PRKN: variants seen among roughly 807,000 people sequenced by gnomAD.
PRKN encodes parkin RBR E3 ubiquitin protein ligase.
In PRKN, 56 loss-of-function variants were observed where a neutral mutation model predicts 59.5. The observed-to-expected ratio is 0.94, with a 90% confidence interval of 0.76 to 1.18. PRKN has a LOEUF of 1.18. PRKN is among the 50% of genes most tolerant of loss of function. The probability of loss-of-function intolerance (pLI) is 0.00; values close to 1 mark genes in which losing one functional copy is unlikely to be tolerated. For missense variants in PRKN, 657 were observed against 596.4 expected, an observed-to-expected ratio of 1.10 and a Z score of -1.06; for synonymous variants, 250 against 222.1, an observed-to-expected ratio of 1.13 and a Z score of -1.12.
intron 2 of PRKN, among the ~76,000 whole-genome samples, chr6:162,282,154 G>A (rs1298758951): frequency 6.6e-6 from 1 of 152,180 alleles, no homozygotes; most frequent in East Asian, 1.9e-4. Flanking sequence ...CTGGTATAGA[G>A]CAACGCATGG....
chr6:161,787,896 C>T (rs960415555), intron 6 of PRKN, among the ~76,000 whole-genome samples: 1 of 152,202 alleles, frequency 6.6e-6, no homozygotes. Context: ...GCCGAGATCG[C>T]ACCACTGCAC....
intron 7 of PRKN, among the ~76,000 whole-genome samples, chr6:161,739,908 C>T (rs1437452218): frequency 1.1e-4 from 16 of 152,110 alleles, no homozygotes; most frequent in Non-Finnish European, 1.5e-5. Flanking sequence ...GTGCACACCA[C>T]CACGCCCAGC....
intron 1 of PRKN, among the ~76,000 whole-genome samples, chr6:162,692,035 T>C (rs1383583041): frequency 6.6e-6 from 1 of 152,174 alleles, no homozygotes; most frequent in African/African-American, 2.4e-5. Context: ...TTAGTTTAAT[T>C]AGATCCCATT....
chr6:162,345,138 GGAATAACTCC>G (rs1401710311), intron 2 of PRKN, among the ~76,000 whole-genome samples: 8 of 152,142 alleles, frequency 5.3e-5, no homozygotes, highest in African/African-American at 1.9e-4. Context: ...GACCACGCCT[GGAATAACTCC>G]GAATACAACA....
chr6:162,299,171 A>C (rs1299689666), intron 2 of PRKN, among the ~76,000 whole-genome samples: 1 of 152,218 alleles, frequency 6.6e-6, no homozygotes, highest in Non-Finnish European at 1.5e-5. Context: ...GCGAAGACGC[A>C]TCAGGCATCT....
chr6:162,490,588 A>ATCTT (rs1306186984), intron 1 of PRKN, among the ~76,000 whole-genome samples: 10 of 152,316 alleles, frequency 6.6e-5, no homozygotes, highest in African/African-American at 2.2e-4. Context: ...TTTCTTTAAG[A>ATCTT]AAACAAAACG....
Position 161,518,821 on chromosome 6 carries a change from A to G in PRKN, c.1083+30033T>C, listed in dbSNP as rs2115352981. On this transcript the variant is annotated intron_variant, in intron 9 of 11. Coordinates refer to ENST00000366898, the MANE Select transcript of PRKN (RefSeq NM_004562.3). This position sits in a 1 kb window ranked among gnomAD's most constrained non-coding sequence, Gnocchi z 5.0. ...CTTGCACAGAAGAGTCACCTGGTGA[A>G]CACTGACTGAATTGAGTCAAATAGA... is the stretch of plus-strand genomic sequence containing the variant. 6.6e-6 allele frequency among the ~76,000 whole-genome samples: 1 copy of G among 152,262 alleles called. No individual in the cohort carries two copies. Among genetic ancestry groups the G allele is most frequent in the Non-Finnish European group, 1.5e-5 (1 of 68,026 alleles).
intron 1 of PRKN, among the ~76,000 whole-genome samples, chr6:162,639,460 G>T (rs1428953918): frequency 1.3e-5 from 2 of 152,150 alleles, no homozygotes; most frequent in Non-Finnish European, 2.9e-5. Flanking sequence ...TAATTTTATG[G>T]TAAGATCACC....
Position 162,687,224 on chromosome 6 carries a change from C to T in PRKN, c.7+40438G>A, listed in dbSNP as rs113638782. Among the ~76,000 whole-genome samples the T allele has an allele frequency of 1.0e-2, 1,423 of 142,510 alleles. 24 individuals are homozygous for T. The highest frequency in any genetic ancestry group is 0.035 in the African/African-American group (1,307 of 37,782). The allele number at this position is 142,510 out of a possible 152,430, so 93.5% of individuals were successfully genotyped here. A position where few individuals can be genotyped will look rare whatever the true frequency, so the allele number is the denominator to read the frequency against. The stretch of plus-strand genomic sequence containing the variant: ...TTTTTGAGACAGAGTTTCACTCTGT[C>T]GTCCAGGCTAGAGTGCAGAGGCACG... On this transcript the variant is annotated intron_variant, in intron 1 of 11. Coordinates refer to ENST00000366898, the MANE Select transcript of PRKN (RefSeq NM_004562.3).
chr6:162,117,377 G>A (rs1479218355), intron 4 of PRKN, among the ~76,000 whole-genome samples: 1 of 152,224 alleles, frequency 6.6e-6, no homozygotes, highest in East Asian at 1.9e-4. Context: ...TAAGCCTAGG[G>A]GAGGCTTAAT....
At chr6:162,408,098 C>G (rs1384671638) in intron 2 of PRKN, among the ~76,000 whole-genome samples, 1 of 152,066 alleles carries the variant, frequency 6.6e-6, no homozygotes, top group Non-Finnish European at 1.5e-5. Context: ...AATTCCTACT[C>G]TCATATCTTC....
intron 1 of PRKN, among the ~76,000 whole-genome samples, chr6:162,583,472 T>C (rs748770721): frequency 6.6e-6 from 1 of 152,200 alleles, no homozygotes; most frequent in Non-Finnish European, 1.5e-5. Context: ...GTGAATATAA[T>C]AGTCTCATAT....
At chr6:162,084,504 G>T (rs567372499) in intron 4 of PRKN, among the ~76,000 whole-genome samples, 34 of 152,178 alleles carry the variant, frequency 2.2e-4, no homozygotes, top group African/African-American at 8.2e-4. Context: ...GTATCATTTA[G>T]TATTATTTGG....
At chr6:162,658,982 C>A (rs1778776236) in intron 1 of PRKN, among the ~76,000 whole-genome samples, 2 of 152,138 alleles carry the variant, frequency 1.3e-5, no homozygotes, top group South Asian at 4.1e-4. Flanking sequence ...CAATATATAC[C>A]TTTGGAAAGA....
At chr6:162,068,820 T>A (rs1582985272) in intron 4 of PRKN, among the ~76,000 whole-genome samples, 1 of 53,154 alleles carries the variant, frequency 1.9e-5, no homozygotes, top group Non-Finnish European at 3.5e-5. Flanking sequence ...GTACAGGAGG[T>A]GGTGGGAGGT....
intron 5 of PRKN, among the ~76,000 whole-genome samples, chr6:161,998,870 T>C (rs1781941496): frequency 6.6e-6 from 1 of 152,074 alleles, no homozygotes; most frequent in Non-Finnish European, 1.5e-5. Context: ...ACTGTGGAAA[T>C]AAGTAATTTA....
intron 6 of PRKN, among the ~76,000 whole-genome samples, chr6:161,797,047 C>CT (rs1385522521): frequency 6.6e-6 from 1 of 152,126 alleles, no homozygotes; most frequent in African/African-American, 2.4e-5. Flanking sequence ...AATTAATGTG[C>CT]TAAGAATCAG....
intron 5 of PRKN, among the ~76,000 whole-genome samples, chr6:162,025,751 A>AT (rs565194314): frequency 2.0e-5 from 3 of 150,516 alleles, no homozygotes; most frequent in Non-Finnish European, 3.0e-5. Flanking sequence ...CACCTGGCTA[A>AT]TTTTTTTTCA....
intron 4 of PRKN, among the ~76,000 whole-genome samples, chr6:162,088,034 G>T (rs960644815): frequency 6.6e-6 from 1 of 152,130 alleles, no homozygotes; most frequent in Non-Finnish European, 1.5e-5. Flanking sequence ...ACAAATTAGG[G>T]GATGCAAGGG....
Sources: gnomAD v4.1 joint callset for allele counts (sites outside exome capture counted in the v4.1 genomes callset) on GRCh38, gnomAD v4.1.1 for gene constraint, Gnocchi (gnomAD v3.1) non-coding constraint, MANE v1.5 for transcripts, NCBI Gene and HGNC (gene_info 2026-07-23, HGNC 2026-07-21) for gene names.